The following DNAH11 variants were observed in gnomAD, a reference collection of about 807,000 sequenced individuals.
DNAH11 encodes the protein axonemal beta dynein heavy chain 11.
In DNAH11, 442 loss-of-function variants were observed where a neutral mutation model predicts 526.0. That is an observed-to-expected ratio of 0.84 (90% CI 0.78 to 0.91). The LOEUF (loss-of-function observed/expected upper bound fraction) is 0.91, where lower values mean the gene tolerates loss of function less well. DNAH11 is among the 40% of genes least tolerant of loss of function. The probability of loss-of-function intolerance (pLI) is 0.00; values close to 1 mark genes in which losing one functional copy is unlikely to be tolerated. For synonymous variants in DNAH11, 2,461 were observed against 1,935.9 expected, an observed-to-expected ratio of 1.27 and a Z score of -7.12; for missense variants, 6,989 against 5,448.7, an observed-to-expected ratio of 1.28 and a Z score of -8.90.
chr7:21,765,612 A>T lies in DNAH11; in HGVS notation c.9102+23A>T, dbSNP rs376684798. On this transcript the variant is annotated intron_variant, in intron 55 of 81. Coordinates refer to ENST00000409508, the MANE Select transcript of DNAH11 (RefSeq NM_001277115.2). ...GAGGTATGCCGTGTCAGCCTGCGTC[A>T]CACACACACACACACACACACACAC... 0.011 allele frequency: 3,959 copies of T among 376,118 alleles called. 109 individuals are homozygous for T. In the African/African-American group the frequency reaches 0.23, roughly 22 times the overall value. The allele number at this position is 376,118 out of a possible 1,614,324, so 23.3% of individuals were successfully genotyped here.
intron 66 of DNAH11, among the ~76,000 whole-genome samples, chr7:21,845,251 TC>T (rs1305336177): frequency 6.6e-6 from 1 of 152,212 alleles, no homozygotes; most frequent in Non-Finnish European, 1.5e-5. Flanking sequence ...ATCTATTTTT[TC>T]TTGCTTGTTT....
intron 20 of DNAH11, among the ~76,000 whole-genome samples, chr7:21,607,660 C>T (rs1352046988): frequency 2.0e-5 from 3 of 151,830 alleles, no homozygotes; most frequent in Non-Finnish European, 2.9e-5. Context: ...TGGCCGGGTA[C>T]GGTGGCTCAC....
chr7:21,597,925 G>T (rs1450505578), intron 14 of DNAH11, among the ~76,000 whole-genome samples: 2 of 152,154 alleles, frequency 1.3e-5, no homozygotes. Flanking sequence ...AATTCCAGGG[G>T]TGCATGTCAC....
chr7:21,571,708 C>G, intron 7 of DNAH11, 98 bp from the exon 8 acceptor site: 1 of 827,030 alleles, frequency 1.2e-6, no homozygotes, highest in South Asian at 3.5e-5. Context: ...GTCATTGACT[C>G]ATTGATTTTG....
intron 48 of DNAH11, among the ~76,000 whole-genome samples, chr7:21,741,453 G>C (rs1391451822): frequency 6.6e-6 from 1 of 152,202 alleles, no homozygotes; most frequent in East Asian, 1.9e-4. Flanking sequence ...TTTTAATCAT[G>C]ACAACAGCAA....
chr7:21,675,057 C>G (rs980681593), intron 30 of DNAH11, among the ~76,000 whole-genome samples: 4 of 151,746 alleles, frequency 2.6e-5, no homozygotes, highest in Admixed American at 2.0e-4. Flanking sequence ...CTGTAGCATC[C>G]TCCTCACAGG....
chr7:21,848,620 A>G (rs10277904), intron 66 of DNAH11, among the ~76,000 whole-genome samples: 128,151 of 151,644 alleles, frequency 0.85, 54,176 homozygotes, highest in East Asian at 0.95. Context: ...GCTCACTCTC[A>G]CTCGCTCTCT....
At chr7:21,883,300 C>G (rs971355363) in intron 75 of DNAH11, among the ~76,000 whole-genome samples, 1 of 152,232 alleles carries the variant, frequency 6.6e-6, no homozygotes, top group African/African-American at 2.4e-5. Flanking sequence ...TCTAGAAAGG[C>G]TTCATCACAC....
At chr7:21,550,393 A>C (rs1037147650) in intron 2 of DNAH11, among the ~76,000 whole-genome samples, 1 of 152,176 alleles carries the variant, frequency 6.6e-6, no homozygotes, top group Non-Finnish European at 1.5e-5. Flanking sequence ...GTATATGGCC[A>C]GTATATAATG....
chr7:21,879,028 A>G (rs1783814366), intron 74 of DNAH11, among the ~76,000 whole-genome samples: 1 of 152,178 alleles, frequency 6.6e-6, no homozygotes, highest in African/African-American at 2.4e-5. Flanking sequence ...AAATCTGAAC[A>G]TGGGTGAAAT....
At chr7:21,881,630 A>T (rs146099235) in intron 75 of DNAH11, among the ~76,000 whole-genome samples, 1 of 152,192 alleles carries the variant, frequency 6.6e-6, no homozygotes, top group African/African-American at 2.4e-5. Context: ...ACTAGGATAC[A>T]TGTGTCAAAA....
At chr7:21,675,938 G>A (rs1015700023) in intron 30 of DNAH11, among the ~76,000 whole-genome samples, 1 of 152,152 alleles carries the variant, frequency 6.6e-6, no homozygotes, top group African/African-American at 2.4e-5. Context: ...AGGTAAATTT[G>A]AAGTACAGCT....
At chr7:21,610,113 G>A (rs1785456070) in intron 20 of DNAH11, among the ~76,000 whole-genome samples, 1 of 152,228 alleles carries the variant, frequency 6.6e-6, no homozygotes, top group East Asian at 1.9e-4. Context: ...AATTAGCCGG[G>A]CGTGGTGGCA....
chr7:21,720,190 G>A (rs1360135541), intron 43 of DNAH11, among the ~76,000 whole-genome samples: 1 of 152,162 alleles, frequency 6.6e-6, no homozygotes, highest in Non-Finnish European at 1.5e-5. Flanking sequence ...TATGACAACG[G>A]GTGGGAAACT....
At chr7:21,842,846 T>C (rs1782269332) in intron 66 of DNAH11, 98 bp downstream of exon 66, 1 of 1,048,042 alleles carries the variant, frequency 9.5e-7, no homozygotes, top group Non-Finnish European at 1.3e-6. Flanking sequence ...TCCTGCCCTC[T>C]AGAATCCTGC....
At chr7:21,887,942 C>A (rs897683823) in intron 76 of DNAH11, among the ~76,000 whole-genome samples, 5 of 152,132 alleles carry the variant, frequency 3.3e-5, no homozygotes, top group African/African-American at 1.2e-4. Flanking sequence ...ACCATACTGC[C>A]CTGGCTGGAG....
In DNAH11 at chr7:21,787,381, T is replaced by G; in HGVS notation, c.9742-20T>G. ...TGCAGCCAAAATGGGTTCATTGCAA[T>G]AAATCTTTTTGCTTTGCAGGTTGAT... is the stretch of plus-strand genomic sequence containing the variant. On this transcript the variant is annotated intron_variant, in intron 59 of 81. Transcript: ENST00000409508. 6.3e-7 allele frequency: 1 copy of G among 1,592,174 alleles called. No individual in the cohort carries two copies.
intron 57 of DNAH11, among the ~76,000 whole-genome samples, chr7:21,781,298 T>C (rs1787931229): frequency 6.6e-6 from 1 of 152,192 alleles, no homozygotes; most frequent in Non-Finnish European, 1.5e-5. Context: ...TGTCTTGCCG[T>C]GAACCTTGAC....
intron 42 of DNAH11, among the ~76,000 whole-genome samples, chr7:21,712,111 G>A (rs1442293576): frequency 6.6e-6 from 1 of 152,028 alleles, no homozygotes; most frequent in African/African-American, 2.4e-5. Flanking sequence ...TCTAGGTACC[G>A]CATATAAATG....
Sources: gnomAD v4.1 joint callset for allele counts (sites outside exome capture counted in the v4.1 genomes callset) on GRCh38, gnomAD v4.1.1 for gene constraint, MANE v1.5 for transcripts, NCBI Gene and HGNC (gene_info 2026-07-23, HGNC 2026-07-21) for gene names.